The following ROBO1 variants were observed in gnomAD, a reference collection of about 807,000 sequenced individuals.
The protein encoded by ROBO1 is roundabout guidance receptor 1.
Under a neutral mutation model 195.9 loss-of-function variants are expected in ROBO1, and 149 were observed. The ratio of observed to expected loss-of-function variants is 0.76; its 90% CI spans 0.67 to 0.87. ROBO1 has a LOEUF of 0.87. ROBO1 is among the 40% of genes least tolerant of loss of function. ROBO1 has a pLI of 0.00. For missense variants in ROBO1, 1,933 were observed against 2,068.3 expected (o/e 0.93, Z 1.27); for synonymous variants, 816 against 733.2 (o/e 1.11, Z -1.82).
intron 1 of ROBO1, among the ~76,000 whole-genome samples, chr3:79,598,724 C>T (rs35378815): frequency 0.28 from 42,210 of 151,694 alleles, 7,868 homozygotes; most frequent in African/African-American, 0.53. Flanking sequence ...ACCTGAGATT[C>T]TGGGGCAAGC....
At chr3:79,113,664 G>A (rs916635975) in intron 3 of ROBO1, among the ~76,000 whole-genome samples, 2 of 152,062 alleles carry the variant, frequency 1.3e-5, no homozygotes, top group Admixed American at 1.3e-4. Context: ...CTACTTGGGA[G>A]GCTGAGGCAG....
chr3:79,475,404 T>C (rs1335503858), intron 2 of ROBO1, among the ~76,000 whole-genome samples: 1 of 152,000 alleles, frequency 6.6e-6, no homozygotes, highest in East Asian at 1.9e-4. Context: ...ATACTTTGTT[T>C]ATTAAAGGGT....
intron 2 of ROBO1, among the ~76,000 whole-genome samples, chr3:79,483,832 A>G (rs1458363518): frequency 1.3e-5 from 2 of 151,942 alleles, no homozygotes; most frequent in Non-Finnish European, 2.9e-5. Flanking sequence ...GGGGTGGGGG[A>G]ACCAAAAAGA....
chr3:79,688,307 A>T (rs1405548393), intron 1 of ROBO1, among the ~76,000 whole-genome samples: 2 of 151,848 alleles, frequency 1.3e-5, no homozygotes, highest in Non-Finnish European at 2.9e-5. Context: ...AACATGGCAC[A>T]TGTATACATA....
At chr3:78,806,998 G>A (rs1559876047) in intron 4 of ROBO1, among the ~76,000 whole-genome samples, 1 of 151,904 alleles carries the variant, frequency 6.6e-6, no homozygotes, top group Non-Finnish European at 1.5e-5. Context: ...AGTAGAGATG[G>A]GGTTTCACCA....
At chr3:78,808,560 C>T (rs192212666) in intron 4 of ROBO1, among the ~76,000 whole-genome samples, 5 of 151,966 alleles carry the variant, frequency 3.3e-5, no homozygotes, top group East Asian at 3.9e-4. Context: ...GAAAAAATGA[C>T]GGATAAAAAT....
At chr3:78,930,488 AG>A (rs2039453773) in intron 4 of ROBO1, among the ~76,000 whole-genome samples, 1 of 152,190 alleles carries the variant, frequency 6.6e-6, no homozygotes, top group Non-Finnish European at 1.5e-5. Context: ...TCCAGGTAAG[AG>A]AAAAACAGAA....
chr3:79,687,262 C>T (rs563067958), intron 1 of ROBO1, among the ~76,000 whole-genome samples: 37 of 117,786 alleles, frequency 3.1e-4, no homozygotes, highest in African/African-American at 1.0e-3. Context: ...ACCATAAAAA[C>T]CCTAGAAGAA....
chr3:79,116,525 T>TC (rs2080004835), intron 3 of ROBO1, among the ~76,000 whole-genome samples: 1 of 148,280 alleles, frequency 6.7e-6, no homozygotes, highest in Admixed American at 6.8e-5. Context: ...CTCTCTTTCT[T>TC]CTTTTTTTTT....
intron 2 of ROBO1, among the ~76,000 whole-genome samples, chr3:79,151,625 T>G (rs1193645518): frequency 6.6e-6 from 1 of 151,806 alleles, no homozygotes; most frequent in Non-Finnish European, 1.5e-5. Flanking sequence ...TAACTTTAAA[T>G]GACTTTCTAA....
chr3:79,423,155 C>T (rs141593948), intron 2 of ROBO1, among the ~76,000 whole-genome samples: 4 of 152,124 alleles, frequency 2.6e-5, no homozygotes, highest in African/African-American at 9.6e-5. Flanking sequence ...ATGTAACAAA[C>T]CTGAGAGTAT....
intron 2 of ROBO1, among the ~76,000 whole-genome samples, chr3:79,339,947 C>G (rs915047905): frequency 2.0e-5 from 3 of 152,182 alleles, no homozygotes; most frequent in Non-Finnish European, 4.4e-5. Context: ...AACCTCCACT[C>G]CAATGACTTT....
At chr3:79,130,109 T>C (rs2080300691) in intron 2 of ROBO1, among the ~76,000 whole-genome samples, 1 of 23,398 alleles carries the variant, frequency 4.3e-5, no homozygotes, top group Admixed American at 4.7e-4. Context: ...TGAAGTCAGG[T>C]AGTGTGATGC....
intron 2 of ROBO1, among the ~76,000 whole-genome samples, chr3:79,260,172 C>G (rs1305257810): frequency 6.6e-6 from 1 of 151,358 alleles, no homozygotes; most frequent in East Asian, 1.9e-4. Context: ...GAGTTAAAAT[C>G]TAATTTAAAA....
chr3:78,859,939 C>A (rs981882741), intron 4 of ROBO1, among the ~76,000 whole-genome samples: 1 of 151,988 alleles, frequency 6.6e-6, no homozygotes, highest in Non-Finnish European at 1.5e-5. Context: ...ATTAGCCGGG[C>A]GTGGTGGCGG....
chr3:79,122,013 T>C (rs1299352756), intron 3 of ROBO1, among the ~76,000 whole-genome samples: 1 of 152,036 alleles, frequency 6.6e-6, no homozygotes, highest in Non-Finnish European at 1.5e-5. Flanking sequence ...TTCAATATTC[T>C]TAGATTTATT....
chr3:79,655,486 T>C lies in ROBO1; in HGVS notation c.-50-65525A>G, dbSNP rs1049153159. 5.3e-5 allele frequency among the ~76,000 whole-genome samples: 8 copies of C among 152,210 alleles called. No individual in the cohort carries two copies. In the East Asian group the frequency reaches 9.7e-4, roughly 18 times the overall value. ...TAAAGATTTTAGCCTGTGGAATGTA[T>C]GTTGGAGTATAGTTATCAAATCTAT... On this transcript the variant is annotated intron_variant, in intron 1 of 30. Coordinates refer to ENST00000464233, the MANE Select transcript of ROBO1 (RefSeq NM_002941.4).
intron 1 of ROBO1, among the ~76,000 whole-genome samples, chr3:79,709,828 C>G (rs895089225): frequency 6.6e-6 from 1 of 152,136 alleles, no homozygotes; most frequent in Admixed American, 6.6e-5. Context: ...ATAAGAGAGG[C>G]CCCAGAGAGC....
intron 2 of ROBO1, among the ~76,000 whole-genome samples, chr3:79,577,893 C>T (rs1223816218): frequency 1.3e-5 from 2 of 151,756 alleles, no homozygotes; most frequent in Non-Finnish European, 2.9e-5. Context: ...GCCTGGAAGA[C>T]AGAGGGAGAC....
Sources: allele counts gnomAD v4.1 joint callset (sites outside exome capture counted in the v4.1 genomes callset), GRCh38; gene constraint gnomAD v4.1.1; transcripts MANE v1.5; gene names NCBI Gene and HGNC (gene_info 2026-07-23, HGNC 2026-07-21).